The following CNTN5 variants were observed in gnomAD, a reference collection of about 807,000 sequenced individuals.
The protein encoded by CNTN5 is contactin-5.
A neutral mutation model predicts 129.1 loss-of-function variants in CNTN5; 77 were observed. That is an observed-to-expected ratio of 0.60 (90% CI 0.50 to 0.72). The LOEUF (loss-of-function observed/expected upper bound fraction) is 0.72, where lower values mean the gene tolerates loss of function less well. CNTN5 is among the 30% of genes least tolerant of loss of function. The pLI, the probability that CNTN5 is intolerant of heterozygous loss-of-function variation, is 0.00. For missense variants in CNTN5, 1,478 were observed against 1,328.8 expected, an observed-to-expected ratio of 1.11 and a Z score of -1.75; for synonymous variants, 509 against 465.6, an observed-to-expected ratio of 1.09 and a Z score of -1.20.
At chr11:99,348,139 A>G (rs111272249) in intron 2 of CNTN5, among the ~76,000 whole-genome samples, 4,269 of 152,250 alleles carry the variant, frequency 0.028, 202 homozygotes, top group African/African-American at 0.097. Flanking sequence ...GGAGATCGAG[A>G]CCATCCTGGC....
At chr11:99,114,747 T>A (rs1303618136) in intron 1 of CNTN5, among the ~76,000 whole-genome samples, 8 of 152,164 alleles carry the variant, frequency 5.3e-5, no homozygotes, top group Non-Finnish European at 1.2e-4. Context: ...CATTCATCTG[T>A]CAAGCATCTT....
At chr11:100,053,464 T>G (rs1198825460) in intron 9 of CNTN5, among the ~76,000 whole-genome samples, 1 of 151,700 alleles carries the variant, frequency 6.6e-6, no homozygotes, top group Non-Finnish European at 1.5e-5. Context: ...AATAAAAACA[T>G]CCAAAGTAGC....
chr11:99,035,973 C>G (rs1177560433), intron 1 of CNTN5, among the ~76,000 whole-genome samples: 2 of 151,868 alleles, frequency 1.3e-5, no homozygotes, highest in African/African-American at 2.4e-5. Context: ...CTGGTGGTGA[C>G]AAAATCTCTC....
At chr11:99,577,316 G>T (rs935297811) in intron 3 of CNTN5, among the ~76,000 whole-genome samples, 9 of 152,032 alleles carry the variant, frequency 5.9e-5, no homozygotes, top group Admixed American at 3.3e-4. Flanking sequence ...CTCTCCCTTT[G>T]CCTCAAGCAC....
chr11:99,775,837 T>TA (rs967082644), intron 3 of CNTN5, among the ~76,000 whole-genome samples: 1 of 151,870 alleles, frequency 6.6e-6, no homozygotes, highest in African/African-American at 2.4e-5. Context: ...CGTTCCCATT[T>TA]AAAAAAATTA....
At chr11:99,836,643 T>C (rs1947316918) in intron 4 of CNTN5, among the ~76,000 whole-genome samples, 1 of 152,148 alleles carries the variant, frequency 6.6e-6, no homozygotes, top group South Asian at 2.1e-4. Context: ...TTTATAATCC[T>C]TTGGGTATAT....
intron 9 of CNTN5, among the ~76,000 whole-genome samples, chr11:100,032,651 G>T (rs1941777614): frequency 6.6e-6 from 1 of 152,032 alleles, no homozygotes; most frequent in South Asian, 2.1e-4. Context: ...AATCGTTGAT[G>T]ATATTTATTT....
intron 3 of CNTN5, among the ~76,000 whole-genome samples, chr11:99,563,752 T>G (rs1266483924): frequency 6.6e-6 from 1 of 152,198 alleles, no homozygotes; most frequent in Non-Finnish European, 1.5e-5. Flanking sequence ...ATGTCTCTGA[T>G]CATCCAGAAG....
chr11:99,035,070 T>C (rs1190701854), intron 1 of CNTN5, among the ~76,000 whole-genome samples: 3 of 150,658 alleles, frequency 2.0e-5, no homozygotes, highest in Non-Finnish European at 4.4e-5. Context: ...TTCCATGTAG[T>C]TGAGCGGTTT....
chr11:100,256,536 G>C (rs945601480), intron 17 of CNTN5, among the ~76,000 whole-genome samples: 19 of 152,002 alleles, frequency 1.2e-4, no homozygotes, highest in African/African-American at 4.6e-4. Flanking sequence ...AATAGCTCTG[G>C]TCTGCAGTTC....
intron 13 of CNTN5, among the ~76,000 whole-genome samples, chr11:100,159,612 T>C (rs1947372248): frequency 6.6e-6 from 1 of 151,902 alleles, no homozygotes; most frequent in Non-Finnish European, 1.5e-5. Context: ...AAATAGACAT[T>C]ATAGAACAGT....
At chr11:99,180,925 A>T (rs1199989412) in intron 1 of CNTN5, among the ~76,000 whole-genome samples, 1 of 152,236 alleles carries the variant, frequency 6.6e-6, no homozygotes, top group Non-Finnish European at 1.5e-5. Context: ...CGGTACGCAT[A>T]TCTAATGCCA....
chr11:100,116,404 T>C (rs966022963), intron 13 of CNTN5, among the ~76,000 whole-genome samples: 40 of 151,922 alleles, frequency 2.6e-4, no homozygotes, highest in Non-Finnish European at 4.3e-4. Context: ...GAAAATATCC[T>C]ATCTAATAAA....
Position 99,556,271 on chromosome 11 carries a change from TA to T in CNTN5, c.55+6del. ...TGTCAGTCACCATGTGTCTTTCAGG[TA>T]AAAGTCCTGATTAATTAATTATTTG... On this transcript the variant is annotated splice_donor_region_variant and intron_variant, in intron 3 of 24. Transcript: ENST00000524871. The T allele has an allele frequency of 1.3e-6, 2 of 1,514,972 alleles. No homozygotes were observed. Among genetic ancestry groups the T allele is most frequent in the Non-Finnish European group, 8.9e-7 (1 of 1,121,618 alleles). The allele number at this position is 1,514,972 out of a possible 1,614,324, so 93.8% of individuals were successfully genotyped here.
At chr11:99,468,334 T>C (rs1025608584) in intron 2 of CNTN5, among the ~76,000 whole-genome samples, 10 of 152,212 alleles carry the variant, frequency 6.6e-5, no homozygotes, top group Admixed American at 3.9e-4. Context: ...ATGGAGTATA[T>C]AGCATAGTAT....
intron 6 of CNTN5, among the ~76,000 whole-genome samples, chr11:99,910,877 C>T (rs1042152520): frequency 2.0e-5 from 3 of 151,904 alleles, no homozygotes; most frequent in Non-Finnish European, 4.4e-5. Flanking sequence ...TTACAGTGAC[C>T]TGAATAATCC....
chr11:100,156,123 T>A (rs1007342107), intron 13 of CNTN5, among the ~76,000 whole-genome samples: 2 of 152,176 alleles, frequency 1.3e-5, no homozygotes, highest in African/African-American at 4.8e-5. Context: ...CCATTCAGTA[T>A]GATACTGGCT....
chr11:100,019,397 A>G (rs1478630732), intron 9 of CNTN5, among the ~76,000 whole-genome samples: 1 of 151,894 alleles, frequency 6.6e-6, no homozygotes, highest in African/African-American at 2.4e-5. Flanking sequence ...CTCCACTTAT[A>G]TGAGTTTGAC....
chr11:100,003,390 T>C (rs1484020749), intron 9 of CNTN5, among the ~76,000 whole-genome samples: 2 of 152,188 alleles, frequency 1.3e-5, no homozygotes, highest in African/African-American at 4.8e-5. Flanking sequence ...TTTGCTGTTC[T>C]GTGTCAAATA....
Sources: allele counts gnomAD v4.1 joint callset (sites outside exome capture counted in the v4.1 genomes callset), GRCh38; gene constraint gnomAD v4.1.1; transcripts MANE v1.5; gene names NCBI Gene and HGNC (gene_info 2026-07-23, HGNC 2026-07-21).